DPYD: variants seen among roughly 807,000 people sequenced by gnomAD.
DPYD encodes dihydropyrimidine dehydrogenase.
Under a neutral mutation model 116.2 loss-of-function variants are expected in DPYD, and 109 were observed. The ratio of observed to expected loss-of-function variants is 0.94; its 90% CI spans 0.80 to 1.10. DPYD has a LOEUF of 1.10. Ranked by LOEUF, DPYD falls within the 50% of genes least tolerant of loss-of-function variation. The pLI, the probability that DPYD is intolerant of heterozygous loss-of-function variation, is 0.00. For synonymous variants in DPYD, 440 were observed against 432.0 expected (o/e 1.02, Z -0.23); for missense variants, 1,302 against 1,254.5 (o/e 1.04, Z -0.57).
intron 13 of DPYD, among the ~76,000 whole-genome samples, chr1:97,459,359 G>A (rs1484199279): frequency 6.6e-6 from 1 of 152,110 alleles, no homozygotes; most frequent in African/African-American, 2.4e-5. Context: ...GAGAGAACTA[G>A]GAGAGGCACC....
intron 11 of DPYD, among the ~76,000 whole-genome samples, chr1:97,572,496 T>A (rs923060670): frequency 3.9e-5 from 6 of 151,924 alleles, no homozygotes; most frequent in Non-Finnish European, 8.8e-5. Flanking sequence ...GATAGGCAAA[T>A]AATCAACAGA....
At chr1:97,889,596 TAAC>T (rs905718903) in intron 1 of DPYD, among the ~76,000 whole-genome samples, 7 of 151,946 alleles carry the variant, frequency 4.6e-5, no homozygotes, top group African/African-American at 1.7e-4. Context: ...TATATGTGCC[TAAC>T]AACAAGGCCC....
At chr1:97,550,647 T>C (rs981152211) in intron 11 of DPYD, among the ~76,000 whole-genome samples, 2 of 152,142 alleles carry the variant, frequency 1.3e-5, no homozygotes, top group Non-Finnish European at 2.9e-5. Flanking sequence ...TCTCTCCAGG[T>C]AACGTCATAA....
intron 14 of DPYD, among the ~76,000 whole-genome samples, chr1:97,388,761 C>T (rs1672504126): frequency 6.6e-6 from 1 of 152,016 alleles, no homozygotes; most frequent in African/African-American, 2.4e-5. Context: ...ATGAAGGCAG[C>T]CTGTACAAGA....
At chr1:97,668,848 T>TA (rs930168736) in intron 8 of DPYD, among the ~76,000 whole-genome samples, 33 of 151,866 alleles carry the variant, frequency 2.2e-4, no homozygotes, top group Admixed American at 2.1e-3. Context: ...GTATTTTTTT[T>TA]AAAAAAAGGA....
chr1:97,465,950 A>T (rs1677299069), intron 13 of DPYD, among the ~76,000 whole-genome samples: 1 of 152,146 alleles, frequency 6.6e-6, no homozygotes, highest in African/African-American at 2.4e-5. Flanking sequence ...TCTCTACAAA[A>T]ATTAGCTGAG....
chr1:97,325,932 G>T (rs1425387037), intron 16 of DPYD, among the ~76,000 whole-genome samples: 1 of 151,818 alleles, frequency 6.6e-6, no homozygotes, highest in Non-Finnish European at 1.5e-5. Flanking sequence ...GAAAGATTTT[G>T]TGCCTTATCC....
At chr1:97,354,915 C>T (rs1170405694) in intron 16 of DPYD, among the ~76,000 whole-genome samples, 1 of 152,150 alleles carries the variant, frequency 6.6e-6, no homozygotes, top group African/African-American at 2.4e-5. Context: ...ACTCTACCAT[C>T]AGTTTCTTTA....
chr1:97,202,669 A>G (rs915237773), intron 19 of DPYD, among the ~76,000 whole-genome samples: 7 of 152,198 alleles, frequency 4.6e-5, no homozygotes, highest in Non-Finnish European at 1.0e-4. Context: ...ACACAGTTTC[A>G]CTGAAGATGG....
chr1:97,356,496 T>C (rs777917668), intron 16 of DPYD, among the ~76,000 whole-genome samples: 1 of 152,194 alleles, frequency 6.6e-6, no homozygotes, highest in Non-Finnish European at 1.5e-5. Flanking sequence ...TATTTGCTGT[T>C]CTGCAATATT....
intron 2 of DPYD, among the ~76,000 whole-genome samples, chr1:97,829,765 T>A (rs531768995): frequency 6.6e-5 from 10 of 152,200 alleles, no homozygotes; most frequent in South Asian, 2.1e-4. Context: ...CTTTTTTTTT[T>A]AATTATACTT....
chr1:97,479,189 C>T (rs1296159082), intron 13 of DPYD, among the ~76,000 whole-genome samples: 1 of 152,194 alleles, frequency 6.6e-6, no homozygotes, highest in Non-Finnish European at 1.5e-5. Context: ...ACTTGGCTAA[C>T]TGTTTGGTGC....
chr1:97,789,928 G>T (rs185480842), intron 3 of DPYD, among the ~76,000 whole-genome samples: 4 of 152,176 alleles, frequency 2.6e-5, no homozygotes, highest in Non-Finnish European at 5.9e-5. Context: ...CTTAGAGATT[G>T]ATGGTTTTGA....
At chr1:97,787,117 ATAC>A (rs1232356625) in intron 3 of DPYD, among the ~76,000 whole-genome samples, 2 of 152,204 alleles carry the variant, frequency 1.3e-5, no homozygotes, top group Non-Finnish European at 1.5e-5. Flanking sequence ...ATTACAGAAA[ATAC>A]TACTACAATT....
At chr1:97,218,110 A>G (rs11811238) in intron 19 of DPYD, among the ~76,000 whole-genome samples, 3 of 152,308 alleles carry the variant, frequency 2.0e-5, no homozygotes, top group Non-Finnish European at 4.4e-5. Flanking sequence ...CCACATCTGT[A>G]TACATAATGA....
At chr1:97,741,131 C>A (rs1664248621) in intron 3 of DPYD, among the ~76,000 whole-genome samples, 1 of 152,116 alleles carries the variant, frequency 6.6e-6, no homozygotes, top group South Asian at 2.1e-4. Flanking sequence ...CAAGGTCAGC[C>A]TCCTTTCCAG....
At chr1:97,130,428 C>T (rs542002698) in intron 20 of DPYD, among the ~76,000 whole-genome samples, 1 of 152,246 alleles carries the variant, frequency 6.6e-6, no homozygotes, top group South Asian at 2.1e-4. Flanking sequence ...ACCTGTAGGT[C>T]CTGTGGTCTG....
At chr1:97,756,318 T>C (rs1299912866) in intron 3 of DPYD, among the ~76,000 whole-genome samples, 1 of 152,140 alleles carries the variant, frequency 6.6e-6, no homozygotes, top group East Asian at 1.9e-4. Flanking sequence ...ACACAATGAC[T>C]TGGCAATCAT....
intron 2 of DPYD, among the ~76,000 whole-genome samples, chr1:97,870,071 A>C (rs1671582008): frequency 6.6e-6 from 1 of 151,888 alleles, no homozygotes; most frequent in Non-Finnish European, 1.5e-5. Context: ...CTCCATATTC[A>C]AATATTGATG....
Sources: gnomAD v4.1 joint callset for allele counts (sites outside exome capture counted in the v4.1 genomes callset) on GRCh38, gnomAD v4.1.1 for gene constraint, MANE v1.5 for transcripts, NCBI Gene and HGNC (gene_info 2026-07-23, HGNC 2026-07-21) for gene names.